Variants in IFT172 observed in about 807,000 individuals in gnomAD.
IFT172 encodes the protein intraflagellar transport protein 172 homolog.
IFT172 carries 164 observed loss-of-function variants against 248.9 expected under a neutral mutation model. The ratio of observed to expected loss-of-function variants is 0.66; its 90% CI spans 0.58 to 0.75. The LOEUF (loss-of-function observed/expected upper bound fraction) is 0.75, where lower values mean the gene tolerates loss of function less well. Among genes scored for constraint, IFT172 ranks in the 30% least tolerant of loss-of-function variants. The probability of loss-of-function intolerance (pLI) is 0.00; values close to 1 mark genes in which losing one functional copy is unlikely to be tolerated. For missense variants in IFT172, 1,950 were observed against 2,192.4 expected, an observed-to-expected ratio of 0.89 and a Z score of 2.21; for synonymous variants, 729 against 791.6, an observed-to-expected ratio of 0.92 and a Z score of 1.33.
At position 27,477,262 on chromosome 2, in the gene IFT172, G is replaced by C. The variant is rs908434245; in HGVS notation, c.1280C>G (p.Thr427Ser). Residue 427 changes from threonine to serine, a missense_variant, in exon 13 of 48, where the codon ACC becomes AGC. By Grantham distance (58) the Thr-to-Ser change is moderately conservative. Coordinates refer to ENST00000260570, the MANE Select transcript of IFT172 (RefSeq NM_015662.3). ...GAATTCAGTGCGTACAGAACCCAGG[G>C]TGTCATTATTCCCATATTCCACCAG... is the stretch of plus-strand genomic sequence containing the variant. ...LTLVEYGNND[T>S]LGSVRTEFMN... 1 of 1,614,172 alleles carries C rather than the reference G, an allele frequency of 6.2e-7. No individual in the cohort carries two copies. The highest frequency in any genetic ancestry group is 1.7e-5 in the Admixed American group (1 of 60,032).
chr2:27,483,721 G>T, intron 5 of IFT172, 62 bp from the exon 6 acceptor site: 1 of 1,557,028 alleles, frequency 6.4e-7, no homozygotes, highest in Non-Finnish European at 8.8e-7. Flanking sequence ...TAGGCCCTAA[G>T]AAAAAAAGGA....
intron 35 of IFT172, among the ~76,000 whole-genome samples, chr2:27,452,678 A>T (rs964941016): frequency 3.3e-5 from 5 of 152,174 alleles, no homozygotes; most frequent in African/African-American, 4.8e-5. Context: ...CCATAACACA[A>T]TGGTAAGCAT....
At chr2:27,457,784 A>T (rs1666281212) in intron 28 of IFT172, 29 bp from the exon 29 acceptor site, 1 of 1,613,926 alleles carries the variant, frequency 6.2e-7, no homozygotes, top group African/African-American at 1.3e-5. Context: ...GGATGGAGAG[A>T]TGGGGAGATG....
chr2:27,488,145 G>C (rs1234529851), intron 1 of IFT172, among the ~76,000 whole-genome samples: 1 of 151,016 alleles, frequency 6.6e-6, no homozygotes, highest in Non-Finnish European at 1.5e-5. Context: ...ACCACACGAG[G>C]CTATTTAAAA....
At chr2:27,480,704 T>G (rs140597285) in intron 8 of IFT172, among the ~76,000 whole-genome samples, 9 of 152,328 alleles carry the variant, frequency 5.9e-5, no homozygotes, top group African/African-American at 1.9e-4. Flanking sequence ...GACTCTGATT[T>G]AGCCATCTAT....
Position 27,485,135 on chromosome 2 carries a change from G to C in IFT172, c.184-5C>G. ...CATATAGCTCTTCCTGCCATACTAAGAGTTTAAAAAAAAAAAAAGAAAGAA... is the reference window on the plus strand; with the variant it reads ...CATATAGCTCTTCCTGCCATACTAACAGTTTAAAAAAAAAAAAAGAAAGAA... On this transcript the variant is annotated splice_region_variant and splice_polypyrimidine_tract_variant and intron_variant, in intron 2 of 47. Coordinates refer to ENST00000260570, the MANE Select transcript of IFT172 (RefSeq NM_015662.3). 6.6e-7 allele frequency: 1 copy of C among 1,515,656 alleles called. No homozygotes were observed. The highest frequency in any genetic ancestry group is 9.0e-7 in the Non-Finnish European group (1 of 1,111,344). The allele number at this position is 1,515,656 out of a possible 1,614,324, so 93.9% of individuals were successfully genotyped here.
chr2:27,465,916 T>C, intron 16 of IFT172, 34 bp from the exon 17 acceptor site: 1 of 1,613,216 alleles, frequency 6.2e-7, no homozygotes, highest in South Asian at 1.1e-5. Context: ...CACCCCAATT[T>C]CAGGTTAGTT....
intron 3 of IFT172, among the ~76,000 whole-genome samples, chr2:27,484,687 T>C (rs1043464429): frequency 6.6e-5 from 10 of 152,152 alleles, no homozygotes; most frequent in African/African-American, 2.4e-4. Context: ...CCTGGCCCAG[T>C]AGTATTTCTG....
chr2:27,447,448 A>G, intron 42 of IFT172, 67 bp downstream of exon 42: 10 of 1,571,552 alleles, frequency 6.4e-6, no homozygotes, highest in Admixed American at 5.4e-5. Context: ...ACGTGAATCA[A>G]TTCAGCTTTA....
intron 8 of IFT172, 29 bp downstream of exon 8, chr2:27,481,017 C>A: frequency 6.4e-7 from 1 of 1,550,554 alleles, no homozygotes; most frequent in Non-Finnish European, 8.9e-7. Context: ...GGAAAGTAGG[C>A]AGTAGATAAA....
In IFT172 at chr2:27,461,475, A is replaced by C. The variant is rs757532132; in HGVS notation, c.2236T>G (p.Trp746Gly). 6 of 1,613,992 alleles carry C rather than the reference A, an allele frequency of 3.7e-6. No homozygotes were observed. In the Admixed American group the frequency reaches 1.0e-4, roughly 27 times the overall value. ...TCCTCTTGCTGTGTGTCCATCAGCC[A>C]CTGGTAGTAACTACGACGTAGCTTC... ...LEKLRRSYYQ[W>G]LMDTQQEERA... is the part of the protein sequence containing the mutation. Residue 746 changes from tryptophan to glycine, a missense_variant, in exon 22 of 48, where the codon TGG (tryptophan) becomes GGG (glycine). This residue lies in a region of IFT172 where 1,166 missense variants were observed against 1,254.1 expected (regional missense o/e 0.93). Transcript: ENST00000260570.
intron 42 of IFT172, 85 bp from the exon 43 acceptor site, chr2:27,446,440 C>A: frequency 2.6e-6 from 3 of 1,159,990 alleles, no homozygotes; most frequent in Admixed American, 2.0e-5. Context: ...AGCCACAGAA[C>A]TAAAAAACAA....
In IFT172 at chr2:27,449,524, A is replaced by G. The variant is rs371612970; in HGVS notation, c.4199T>C (p.Leu1400Pro). Residue 1400 changes from leucine to proline, a missense_variant, in exon 38 of 48, where the codon CTC (leucine) becomes CCC (proline). Around this residue, in one of 3 missense-constraint regions of IFT172, gnomAD observed 620 missense variants for 699.0 expected, o/e 0.89. Transcript: ENST00000260570. Reference protein sequence around the residue: ...DYVDQHYKEFLKNQGKVDSLV... With the variant: ...DYVDQHYKEFPKNQGKVDSLV... ...CGAGTCCACTTTGCCCTGATTCTTG[A>G]GGAACTCTTTATAATGCTGGTCCAC... The G allele has an allele frequency of 6.2e-7, 1 of 1,614,028 alleles. No homozygotes were observed. Among genetic ancestry groups the G allele is most frequent in the African/African-American group, 1.3e-5 (1 of 74,910 alleles).
Position 27,454,527 on chromosome 2 carries a change from T to A in IFT172, c.3465+40A>T. The A allele has an allele frequency of 6.8e-6, 11 of 1,611,232 alleles. No homozygotes were observed. Among genetic ancestry groups the A allele is most frequent in the Non-Finnish European group, 8.5e-6 (10 of 1,177,468 alleles). ...AGCAGCAGTGCACTAGGGGATGGAA[T>A]AAGAGGGCTCTGCGGTCGGGGTCCA... On this transcript the variant is annotated intron_variant, in intron 31 of 47. Coordinates refer to ENST00000260570, the MANE Select transcript of IFT172 (RefSeq NM_015662.3). This position sits in a 1 kb window ranked among gnomAD's most constrained non-coding sequence, Gnocchi z 4.2.
chr2:27,477,301 G>A lies in IFT172; in HGVS notation c.1241C>T (p.Ala414Val). 1 of 1,614,042 alleles carries A rather than the reference G, an allele frequency of 6.2e-7. No individual in the cohort carries two copies. Among genetic ancestry groups the A allele is most frequent in the South Asian group, 1.1e-5 (1 of 91,078 alleles). ...ENENVCMIFNAGELTLVEYGN... is the reference protein window; with the variant it reads ...ENENVCMIFNVGELTLVEYGN... ...ATATTCCACCAGGGTTAGCTCTCCG[G>A]CATTGAAGATCATGCATACCTGGGA... The change falls in exon 13 of 48, where the codon GCC becomes GTC. Residue 414 changes from alanine (A) to valine (V), a missense_variant. Coordinates refer to ENST00000260570, the MANE Select transcript of IFT172 (RefSeq NM_015662.3).
intron 38 of IFT172, 30 bp from the exon 39 acceptor site, chr2:27,449,410 G>C (rs1553322546): frequency 1.9e-6 from 3 of 1,614,122 alleles, no homozygotes; most frequent in South Asian, 1.1e-5. Context: ...AGTTACAAGA[G>C]AAAAGAGATG....
chr2:27,461,740 GAGA>G lies in IFT172; in HGVS notation c.2193+16_2193+18del, dbSNP rs1215056367. 2 of 1,614,056 alleles carry G rather than the reference GAGA, an allele frequency of 1.2e-6. No homozygotes were observed. Among genetic ancestry groups the G allele is most frequent in the South Asian group, 2.2e-5 (2 of 91,064 alleles). ...CAGAACCAAATTCTGAACAACTGTG[GAGA>G]AGATAAAACAGGTACCTTGGCTTCA... On this transcript the variant is annotated intron_variant, in intron 21 of 47. Transcript: ENST00000260570.
chr2:27,489,506 C>T, intron 1 of IFT172, 109 bp downstream of exon 1: 1 of 794,386 alleles, frequency 1.3e-6, no homozygotes, highest in East Asian at 2.7e-5. Context: ...CGCTATATCC[C>T]TTACAGCCTT....
At chr2:27,446,013 G>A in intron 43 of IFT172, 25 bp from the exon 44 acceptor site, 1 of 1,613,934 alleles carries the variant, frequency 6.2e-7, no homozygotes, top group South Asian at 1.1e-5. Flanking sequence ...AGTTGCAAAT[G>A]GGAGTGAACA....
Sources: gnomAD v4.1 joint callset for allele counts (sites outside exome capture counted in the v4.1 genomes callset) on GRCh38, gnomAD v4.1.1 for gene constraint, gnomAD v4.1.1 regional missense constraint, Gnocchi (gnomAD v3.1) non-coding constraint, MANE v1.5 for transcripts, NCBI Gene and HGNC (gene_info 2026-07-23, HGNC 2026-07-21) for gene names.